Variants in FUBP3 observed in about 807,000 individuals in gnomAD.
The protein encoded by FUBP3 is far upstream element-binding protein 3.
In FUBP3, 28 loss-of-function variants were observed where a neutral mutation model predicts 85.6. The ratio of observed to expected loss-of-function variants is 0.33; its 90% CI spans 0.24 to 0.45. The LOEUF is 0.45. FUBP3 is among the 20% of genes least tolerant of loss of function. The pLI, the probability that FUBP3 is intolerant of heterozygous loss-of-function variation, is 1.00. For missense variants in FUBP3, 583 were observed against 755.1 expected (o/e 0.77, Z 2.67); for synonymous variants, 271 against 271.4 (o/e 1.00, Z 0.01).
rs145847755 is a variant in FUBP3 at position 130,599,848 on chromosome 9, G to A, written c.190+4260G>A. Among the ~76,000 whole-genome samples, 24 of 152,190 alleles carry A rather than the reference G, an allele frequency of 1.6e-4. No homozygotes were observed. In the East Asian group the frequency reaches 4.4e-3, roughly 28 times the overall value. On this transcript the variant is annotated intron_variant, in intron 2 of 18. Coordinates refer to ENST00000319725, the MANE Select transcript of FUBP3 (RefSeq NM_003934.2). ...GTTTCATTCCTCCAGTAACCAGGGAGGTGCAGATCTTGCAACCTGGCCATT... is the reference window on the plus strand; with the variant it reads ...GTTTCATTCCTCCAGTAACCAGGGAAGTGCAGATCTTGCAACCTGGCCATT...
intron 12 of FUBP3, 83 bp downstream of exon 12, chr9:130,626,588 GT>G: frequency 7.1e-7 from 1 of 1,408,110 alleles, no homozygotes; most frequent in Non-Finnish European, 9.9e-7. Flanking sequence ...AGAACCTTTG[GT>G]GAGGTCCCTT....
At chr9:130,625,359 A>G (rs1277050774) in intron 11 of FUBP3, among the ~76,000 whole-genome samples, 1 of 152,246 alleles carries the variant, frequency 6.6e-6, no homozygotes, top group Non-Finnish European at 1.5e-5. Context: ...TTTACTTGGC[A>G]GTTGTCTCAT....
At chr9:130,603,572 A>G (rs1831274678) in intron 2 of FUBP3, among the ~76,000 whole-genome samples, 1 of 152,190 alleles carries the variant, frequency 6.6e-6, no homozygotes. Context: ...AAAGGCAGTG[A>G]GATTTTTCCC....
rs150649983 is a variant in FUBP3 at position 130,604,619 on chromosome 9, G to A, written c.191-5335G>A. ...TCAAGCTTTAAGAAATACTACTCCC[G>A]GGCCTGGCATGGTTGCTCATGCTTG... On this transcript the variant is annotated intron_variant, in intron 2 of 18. Coordinates refer to ENST00000319725, the MANE Select transcript of FUBP3 (RefSeq NM_003934.2). Among the ~76,000 whole-genome samples the A allele has an allele frequency of 7.7e-3, 1,170 of 152,252 alleles. 13 individuals carry two copies. The highest frequency in any genetic ancestry group is 0.017 in the Middle Eastern group (5 of 294).
At chr9:130,627,768 T>C (rs1830038424) in intron 12 of FUBP3, among the ~76,000 whole-genome samples, 1 of 152,224 alleles carries the variant, frequency 6.6e-6, no homozygotes, top group African/African-American at 2.4e-5. Flanking sequence ...GGTTGACGAT[T>C]AGCTAGATCT....
intron 9 of FUBP3, among the ~76,000 whole-genome samples, chr9:130,622,396 C>G (rs1829795069): frequency 6.7e-6 from 1 of 150,242 alleles, no homozygotes; most frequent in African/African-American, 2.5e-5. Flanking sequence ...CTTTGGGAGG[C>G]CGAGGTGGGC....
At chr9:130,586,987 G>A (rs1830365430) in intron 1 of FUBP3, among the ~76,000 whole-genome samples, 1 of 151,596 alleles carries the variant, frequency 6.6e-6, no homozygotes, top group African/African-American at 2.4e-5. Context: ...CTGACCTTGT[G>A]ATCCACCTGC....
rs1025079371 is a variant in FUBP3 at position 130,634,475 on chromosome 9, C to T, written c.1511-192C>T. 12 of 586,164 alleles carry T rather than the reference C, an allele frequency of 2.0e-5. No homozygotes were observed. The African/African-American group carries it at 2.1e-4, about 10-fold the overall frequency. 36.3% of individuals were successfully genotyped at this position (586,164 alleles called of 1,614,324 possible). A position where few individuals can be genotyped will look rare whatever the true frequency, so the allele number is the denominator to read the frequency against. Reference sequence around the variant, plus strand: ...AGTTGCCTCGTGTGCCCAGCCCCACCCTTACAGTGATCTTAGTTACACCCC... The same window carrying T: ...AGTTGCCTCGTGTGCCCAGCCCCACTCTTACAGTGATCTTAGTTACACCCC... On this transcript the variant is annotated intron_variant, in intron 16 of 18. Coordinates refer to ENST00000319725, the MANE Select transcript of FUBP3 (RefSeq NM_003934.2).
At chr9:130,583,885 T>TGATA (rs1175423333) in intron 1 of FUBP3, among the ~76,000 whole-genome samples, 2 of 152,136 alleles carry the variant, frequency 1.3e-5, no homozygotes, top group Non-Finnish European at 2.9e-5. Flanking sequence ...ATTTATAATG[T>TGATA]GATAATTTAT....
intron 1 of FUBP3, among the ~76,000 whole-genome samples, chr9:130,587,055 G>T (rs28502113): frequency 4.2e-5 from 5 of 119,360 alleles, no homozygotes; most frequent in South Asian, 2.9e-4. Context: ...GGCGTTTTTT[G>T]TTTTTTTTTT....
At position 130,635,785 on chromosome 9, in the gene FUBP3, G is replaced by A; in HGVS notation, c.1583-214G>A. Reference sequence around the variant, plus strand: ...CAGAGAGAAGGCAGGCGTGAGGATTGGTCTTCACAGGCATAGCAGGGGCCG... The same window carrying A: ...CAGAGAGAAGGCAGGCGTGAGGATTAGTCTTCACAGGCATAGCAGGGGCCG... On this transcript the variant is annotated intron_variant, in intron 17 of 18. Coordinates refer to ENST00000319725, the MANE Select transcript of FUBP3 (RefSeq NM_003934.2). The surrounding 1 kb of genome is among the most constrained non-coding windows in gnomAD (Gnocchi z 4.3). The A allele has an allele frequency of 1.9e-6, 1 of 517,098 alleles. No individual in the cohort carries two copies. Among genetic ancestry groups the A allele is most frequent in the Non-Finnish European group, 3.5e-6 (1 of 288,438 alleles). 32.0% of individuals were successfully genotyped at this position (517,098 alleles called of 1,614,324 possible). A position where few individuals can be genotyped will look rare whatever the true frequency, so the allele number is the denominator to read the frequency against.
At chr9:130,623,766 AC>A in intron 11 of FUBP3, 55 bp downstream of exon 11, 1 of 1,195,752 alleles carries the variant, frequency 8.4e-7, no homozygotes, top group Non-Finnish European at 1.2e-6. Flanking sequence ...GGAAAGTGCT[AC>A]CCGGGGCTCT....
At chr9:130,589,505 A>G (rs1442513785) in intron 1 of FUBP3, among the ~76,000 whole-genome samples, 3 of 150,454 alleles carry the variant, frequency 2.0e-5, no homozygotes, top group Non-Finnish European at 1.5e-5. Context: ...CACTATGCCC[A>G]GCTAATTTTT....
intron 18 of FUBP3, among the ~76,000 whole-genome samples, chr9:130,636,690 A>AT (rs1298052654): frequency 3.9e-5 from 6 of 152,200 alleles, no homozygotes; most frequent in African/African-American, 1.4e-4. Flanking sequence ...TTCCCACCTG[A>AT]TGCCAGTCAG....
chr9:130,623,528 A>C, intron 10 of FUBP3, 83 bp from the exon 11 acceptor site: 1 of 909,796 alleles, frequency 1.1e-6, no homozygotes, highest in Non-Finnish European at 1.8e-6. Context: ...GCGGGTGAGA[A>C]TATTGATTGG....
intron 11 of FUBP3, 28 bp from the exon 12 acceptor site, chr9:130,626,336 G>A: frequency 6.3e-7 from 1 of 1,598,600 alleles, no homozygotes; most frequent in East Asian, 2.3e-5. Context: ...CAGTGGCAGA[G>A]GTCGCTACAG....
At chr9:130,598,335 C>T (rs192903662) in intron 2 of FUBP3, among the ~76,000 whole-genome samples, 2 of 152,224 alleles carry the variant, frequency 1.3e-5, no homozygotes, top group African/African-American at 2.4e-5. Context: ...AACCCTTCAG[C>T]GCCAGGCAGT....
intron 16 of FUBP3, among the ~76,000 whole-genome samples, chr9:130,633,708 G>T (rs1328285086): frequency 6.6e-6 from 1 of 152,250 alleles, no homozygotes; most frequent in Non-Finnish European, 1.5e-5. Flanking sequence ...TCCGAGGGAA[G>T]AGTGTTTGCT....
At chr9:130,622,645 A>AT in intron 9 of FUBP3, 63 bp from the exon 10 acceptor site, 1 of 743,194 alleles carries the variant, frequency 1.3e-6, no homozygotes, top group Non-Finnish European at 2.3e-6. Flanking sequence ...AAAAAAAAAA[A>AT]GTGCCCTTTA....
Sources: allele counts gnomAD v4.1 joint callset (sites outside exome capture counted in the v4.1 genomes callset), GRCh38; gene constraint gnomAD v4.1.1; non-coding constraint Gnocchi (gnomAD v3.1); transcripts MANE v1.5; gene names NCBI Gene and HGNC (gene_info 2026-07-23, HGNC 2026-07-21).